ACTR3C: variants seen among roughly 807,000 people sequenced by gnomAD.
ACTR3C encodes actin-related protein 3C.
In ACTR3C, 18 loss-of-function variants were observed where a neutral mutation model predicts 26.3. That is an observed-to-expected ratio of 0.68 (90% CI 0.47 to 1.01). The LOEUF is 1.01. Ranked by LOEUF, ACTR3C falls within the 50% of genes least tolerant of loss-of-function variation. ACTR3C has a pLI of 0.00. For missense variants in ACTR3C, 184 were observed against 250.7 expected (o/e 0.73, Z 1.80); for synonymous variants, 55 against 94.5 (o/e 0.58, Z 2.42).
chr7:149,897,061 C>CAAAAAAAA, the ACTR3C span, among the ~76,000 whole-genome samples: 1 of 51,106 alleles, frequency 2.0e-5, no homozygotes, highest in Non-Finnish European at 4.8e-5. Flanking sequence ...ACACCGTCTC[C>CAAAAAAAA]AAAAAAAAAA....
At chr7:150,205,336 G>T in the ACTR3C span, among the ~76,000 whole-genome samples, 1 of 152,158 alleles carries the variant, frequency 6.6e-6, no homozygotes, top group Non-Finnish European at 1.5e-5. Flanking sequence ...TTTCGTTAGA[G>T]CTTATTTGAT....
chr7:150,158,671 G>T, the ACTR3C span, among the ~76,000 whole-genome samples: 1 of 152,218 alleles, frequency 6.6e-6, no homozygotes, highest in African/African-American at 2.4e-5. Flanking sequence ...GGGTGATCTT[G>T]GTCAAAGGGT....
chr7:150,107,206 T>C, the ACTR3C span, among the ~76,000 whole-genome samples: 1 of 148,092 alleles, frequency 6.8e-6, no homozygotes, highest in East Asian at 1.9e-4. Flanking sequence ...AGAATACAAA[T>C]TTCATCAAGA....
chr7:150,101,923 A>G, the ACTR3C span, among the ~76,000 whole-genome samples: 1 of 151,718 alleles, frequency 6.6e-6, no homozygotes, highest in African/African-American at 2.4e-5. Flanking sequence ...AGCCAATTCT[A>G]TAAACACCAT....
At chr7:150,225,512 A>G in the ACTR3C span, among the ~76,000 whole-genome samples, 4 of 152,300 alleles carry the variant, frequency 2.6e-5, no homozygotes, top group African/African-American at 7.2e-5. Flanking sequence ...CTCTATATGT[A>G]CAGTGGTATC....
At chr7:150,259,750 G>C (rs956141954) in intron 6 of ACTR3C, among the ~76,000 whole-genome samples, 43 of 152,260 alleles carry the variant, frequency 2.8e-4, no homozygotes, top group African/African-American at 9.6e-4. Context: ...CCCATGGCTT[G>C]CTTGCTCATT....
At chr7:150,071,261 C>T in the ACTR3C span, among the ~76,000 whole-genome samples, 1 of 151,516 alleles carries the variant, frequency 6.6e-6, no homozygotes, top group Non-Finnish European at 1.5e-5. Flanking sequence ...GTAGCTGGGA[C>T]TACAGGCGCC....
chr7:150,144,955 C>T, the ACTR3C span, among the ~76,000 whole-genome samples: 35 of 149,978 alleles, frequency 2.3e-4, no homozygotes, highest in South Asian at 7.1e-3. This position sits in a 1 kb window ranked among gnomAD's most constrained non-coding sequence, Gnocchi z 4.6. Flanking sequence ...ACGGCTGAAG[C>T]AGGAGAATTG....
chr7:150,143,973 C>T, the ACTR3C span, among the ~76,000 whole-genome samples: 9 of 152,186 alleles, frequency 5.9e-5, no homozygotes, highest in African/African-American at 2.2e-4. Flanking sequence ...TAGCTTCTCC[C>T]CTCCGTCAAG....
the ACTR3C span, among the ~76,000 whole-genome samples, chr7:149,987,265 A>G: frequency 9.3e-4 from 142 of 152,346 alleles, no homozygotes; most frequent in African/African-American, 3.3e-3. Context: ...TTATTTTTAA[A>G]GATTAGAAAA....
chr7:150,181,858 A>G, the ACTR3C span, among the ~76,000 whole-genome samples: 1 of 150,580 alleles, frequency 6.6e-6, no homozygotes, highest in Non-Finnish European at 1.5e-5. Context: ...GATTCAGTCA[A>G]CAAATGTGTG....
chr7:150,176,521 T>C, the ACTR3C span, among the ~76,000 whole-genome samples: 1 of 151,066 alleles, frequency 6.6e-6, no homozygotes, highest in African/African-American at 2.5e-5. Flanking sequence ...TGACAGATCA[T>C]GTTTTCAATA....
chr7:150,206,949 G>A, the ACTR3C span, among the ~76,000 whole-genome samples: 5 of 152,064 alleles, frequency 3.3e-5, no homozygotes, highest in Non-Finnish European at 5.9e-5. Context: ...CATTGTAAAG[G>A]GGAAGTAAAG....
chr7:150,223,694 G>A, the ACTR3C span, among the ~76,000 whole-genome samples: 1 of 152,008 alleles, frequency 6.6e-6, no homozygotes, highest in African/African-American at 2.4e-5. Context: ...TCAAAAAATT[G>A]TAAATCAAAG....
chr7:149,908,120 A>G, the ACTR3C span, among the ~76,000 whole-genome samples: 1 of 152,078 alleles, frequency 6.6e-6, no homozygotes, highest in Admixed American at 6.5e-5. Context: ...AACCCCACAC[A>G]CTGACACAGA....
intron 1 of ACTR3C, among the ~76,000 whole-genome samples, chr7:150,305,773 C>A (rs918553166): frequency 1.9e-4 from 29 of 152,214 alleles, no homozygotes; most frequent in Admixed American, 1.6e-3. Flanking sequence ...AGTCTCTGCA[C>A]CTCCTTGAAA....
At chr7:150,105,085 C>CTTT in the ACTR3C span, among the ~76,000 whole-genome samples, 1 of 138,602 alleles carries the variant, frequency 7.2e-6, no homozygotes, top group East Asian at 2.1e-4. Context: ...TTCTTTTTTT[C>CTTT]TTTTTTTTTT....
chr7:150,202,682 C>A, the ACTR3C span, among the ~76,000 whole-genome samples: 8,711 of 152,186 alleles, frequency 0.057, 778 homozygotes, highest in African/African-American at 0.2. Flanking sequence ...TAGTTCCCAA[C>A]TTTTTAATGA....
At chr7:150,196,283 G>GCT in the ACTR3C span, among the ~76,000 whole-genome samples, 13 of 152,074 alleles carry the variant, frequency 8.5e-5, no homozygotes, top group Non-Finnish European at 1.5e-4. Context: ...ACTCATGGAT[G>GCT]CTCTGTTCCT....
Sources: gnomAD v4.1 joint callset for allele counts (sites outside exome capture counted in the v4.1 genomes callset) on GRCh38, gnomAD v4.1.1 for gene constraint, Gnocchi (gnomAD v3.1) non-coding constraint, MANE v1.5 for transcripts, NCBI Gene and HGNC (gene_info 2026-07-23, HGNC 2026-07-21) for gene names.